PDE7B: variants seen among roughly 807,000 people sequenced by gnomAD.
PDE7B encodes 3',5'-cyclic-AMP phosphodiesterase 7B.
Under a neutral mutation model 56.2 loss-of-function variants are expected in PDE7B, and 29 were observed. The ratio of observed to expected loss-of-function variants is 0.52; its 90% CI spans 0.38 to 0.70. The LOEUF (loss-of-function observed/expected upper bound fraction) is 0.70, where lower values mean the gene tolerates loss of function less well. Among genes scored for constraint, PDE7B ranks in the 30% least tolerant of loss-of-function variants. The pLI is 0.00. For synonymous variants in PDE7B, 197 were observed against 196.9 expected (o/e 1.00, Z 0.00); for missense variants, 490 against 565.0 (o/e 0.87, Z 1.35).
chr6:136,162,133 T>C (rs184442407), intron 8 of PDE7B: 1 of 152,302 alleles, frequency 6.6e-6, no homozygotes, highest in Admixed American at 6.5e-5. Flanking sequence ...CTAAGTTATA[T>C]TTCATACTGA....
chr6:136,060,019 A>G (rs1312868808), intron 2 of PDE7B, among the ~76,000 whole-genome samples: 1 of 152,234 alleles, frequency 6.6e-6, no homozygotes, highest in East Asian at 1.9e-4. Context: ...AGGCATGAAG[A>G]ACTAAGTAAA....
rs912187439 is a variant in PDE7B, at chr6:135,882,334, TAAAA to T, written c.21+30318_21+30321del. Among the ~76,000 whole-genome samples, 3 of 152,152 alleles carry T rather than the reference TAAAA, an allele frequency of 2.0e-5. No homozygotes were observed. The South Asian group carries it at 6.2e-4, about 31-fold the overall frequency. On this transcript the variant is annotated intron_variant, in intron 1 of 12. Coordinates refer to ENST00000308191, the MANE Select transcript of PDE7B (RefSeq NM_018945.4). Reference sequence around the variant, plus strand: ...ATACTATGAACCTCATGTAAAAAAATAAAAAAGTCTTCAACTAAGTAAAAATTAT... The same window carrying T: ...ATACTATGAACCTCATGTAAAAAAATAAGTCTTCAACTAAGTAAAAATTAT...
At chr6:136,150,003 C>A (rs749826337) in intron 5 of PDE7B, among the ~76,000 whole-genome samples, 1 of 152,014 alleles carries the variant, frequency 6.6e-6, no homozygotes, top group Non-Finnish European at 1.5e-5. Flanking sequence ...AACTGAGAAA[C>A]GGGTACTGGT....
At chr6:136,008,617 C>A (rs1294851533) in intron 2 of PDE7B, among the ~76,000 whole-genome samples, 1 of 152,230 alleles carries the variant, frequency 6.6e-6, no homozygotes, top group Non-Finnish European at 1.5e-5. Context: ...TGTCTTTTGG[C>A]TGCATAAATG....
At chr6:135,950,057 A>T (rs2128199860) in intron 2 of PDE7B, among the ~76,000 whole-genome samples, 1 of 152,252 alleles carries the variant, frequency 6.6e-6, no homozygotes, top group African/African-American at 2.4e-5. Context: ...ATACACATGG[A>T]TCAACCCCAC....
intron 3 of PDE7B, among the ~76,000 whole-genome samples, chr6:136,126,658 TG>T (rs1778027691): frequency 6.6e-6 from 1 of 152,130 alleles, no homozygotes; most frequent in Non-Finnish European, 1.5e-5. Context: ...TGCAGCAAAC[TG>T]GATGGGATTG....
At chr6:135,969,692 C>A (rs1213263652) in intron 2 of PDE7B, among the ~76,000 whole-genome samples, 1 of 152,088 alleles carries the variant, frequency 6.6e-6, no homozygotes, top group East Asian at 1.9e-4. Context: ...TAGGCAATAC[C>A]ATTCAGGACA....
intron 2 of PDE7B, among the ~76,000 whole-genome samples, chr6:135,972,796 A>C (rs1395072466): frequency 6.6e-6 from 1 of 152,218 alleles, no homozygotes; most frequent in Non-Finnish European, 1.5e-5. Flanking sequence ...CAAGACAGAT[A>C]GATGACAGCT....
chr6:136,116,545 A>G (rs1777834297), intron 3 of PDE7B, among the ~76,000 whole-genome samples: 1 of 152,176 alleles, frequency 6.6e-6, no homozygotes, highest in South Asian at 2.1e-4. Flanking sequence ...AAGACATAAA[A>G]CTGGAGGATA....
At chr6:136,092,468 CTG>C (rs1241985402) in intron 2 of PDE7B, among the ~76,000 whole-genome samples, 1 of 152,100 alleles carries the variant, frequency 6.6e-6, no homozygotes, top group African/African-American at 2.4e-5. Flanking sequence ...TTTTTAAAAA[CTG>C]AGAGTGAAGG....
chr6:135,934,824 A>AT (rs1441283171), intron 1 of PDE7B, among the ~76,000 whole-genome samples: 2 of 64,228 alleles, frequency 3.1e-5, no homozygotes, highest in African/African-American at 1.1e-4. Context: ...ATATATATTT[A>AT]ATAAATAAAT....
At chr6:135,948,388 A>C (rs1774627005) in intron 2 of PDE7B, among the ~76,000 whole-genome samples, 1 of 152,000 alleles carries the variant, frequency 6.6e-6, no homozygotes. Context: ...TATATTAATA[A>C]GCAAAGAAAA....
intron 3 of PDE7B, among the ~76,000 whole-genome samples, chr6:136,140,721 C>T (rs554004310): frequency 0.016 from 2,409 of 151,964 alleles, 60 homozygotes; most frequent in Non-Finnish European, 0.017. Context: ...ATTTTGTTCT[C>T]TTTGAAGCAA....
intron 2 of PDE7B, among the ~76,000 whole-genome samples, chr6:135,977,576 G>C (rs1405803839): frequency 6.6e-6 from 1 of 152,154 alleles, no homozygotes; most frequent in East Asian, 1.9e-4. Flanking sequence ...GTCAAAGGAG[G>C]AGATGGATCT....
chr6:135,932,993 G>A (rs765001843), intron 1 of PDE7B, among the ~76,000 whole-genome samples: 20 of 152,286 alleles, frequency 1.3e-4, no homozygotes, highest in African/African-American at 3.6e-4. Flanking sequence ...TGTTCTGGGC[G>A]CTGTGCTGAA....
At chr6:136,117,442 C>T (rs117561475) in intron 3 of PDE7B, among the ~76,000 whole-genome samples, 6 of 152,338 alleles carry the variant, frequency 3.9e-5, no homozygotes, top group Admixed American at 6.5e-5. Context: ...AAAACCAGAA[C>T]ATGGCCCCAT....
At chr6:135,870,955 A>T (rs546542710) in intron 1 of PDE7B, among the ~76,000 whole-genome samples, 1 of 149,802 alleles carries the variant, frequency 6.7e-6, no homozygotes, top group South Asian at 2.1e-4. Flanking sequence ...TGCCTATATT[A>T]TTGGAGCCCT....
intron 1 of PDE7B, among the ~76,000 whole-genome samples, chr6:135,933,499 G>A (rs1230945759): frequency 1.3e-5 from 2 of 152,208 alleles, no homozygotes; most frequent in Non-Finnish European, 2.9e-5. Flanking sequence ...TCAAAGCTAA[G>A]ATATAACTCT....
At chr6:135,998,681 G>A (rs1180626971) in intron 2 of PDE7B, among the ~76,000 whole-genome samples, 7 of 152,052 alleles carry the variant, frequency 4.6e-5, no homozygotes, top group South Asian at 4.1e-4. Flanking sequence ...GCGTGAACCC[G>A]GGAGGCAGAG....
Sources: gnomAD v4.1 joint callset for allele counts (sites outside exome capture counted in the v4.1 genomes callset) on GRCh38, gnomAD v4.1.1 for gene constraint, MANE v1.5 for transcripts, NCBI Gene and HGNC (gene_info 2026-07-23, HGNC 2026-07-21) for gene names.